The following MYO16 variants were observed in gnomAD, a reference collection of about 807,000 sequenced individuals.
The protein encoded by MYO16 is myosin XVI.
Under a neutral mutation model 205.3 loss-of-function variants are expected in MYO16, and 94 were observed. The ratio of observed to expected loss-of-function variants is 0.46; its 90% CI spans 0.39 to 0.54. MYO16 has a LOEUF of 0.54. Among genes scored for constraint, MYO16 ranks in the 20% least tolerant of loss-of-function variants. The pLI, the probability that MYO16 is intolerant of heterozygous loss-of-function variation, is 0.00. For synonymous variants in MYO16, 988 were observed against 954.0 expected (o/e 1.04, Z -0.66); for missense variants, 2,315 against 2,387.5 (o/e 0.97, Z 0.63).
chr13:109,050,680 C>G (rs963043931), intron 24 of MYO16, among the ~76,000 whole-genome samples: 2 of 152,108 alleles, frequency 1.3e-5, no homozygotes, highest in Non-Finnish European at 2.9e-5. Flanking sequence ...CAGTGGCATT[C>G]TGCTATAATA....
At chr13:108,822,100 C>T (rs953392480) in intron 8 of MYO16, among the ~76,000 whole-genome samples, 1 of 152,010 alleles carries the variant, frequency 6.6e-6, no homozygotes. Context: ...CATGCTATAA[C>T]TGAGCAAATG....
intron 1 of MYO16, among the ~76,000 whole-genome samples, chr13:108,598,439 A>C (rs1422325058): frequency 6.6e-6 from 1 of 152,244 alleles, no homozygotes; most frequent in East Asian, 1.9e-4. Context: ...TTAAGAATTA[A>C]ATTCAAATGC....
intron 16 of MYO16, among the ~76,000 whole-genome samples, chr13:108,933,685 A>G (rs1191071993): frequency 1.3e-5 from 2 of 152,012 alleles, no homozygotes; most frequent in Non-Finnish European, 2.9e-5. Context: ...TTGTGGTACG[A>G]ATGATCCCTT....
intron 9 of MYO16, among the ~76,000 whole-genome samples, chr13:108,832,953 C>T (rs1876707433): frequency 6.6e-6 from 1 of 152,028 alleles, no homozygotes; most frequent in Admixed American, 6.6e-5. Flanking sequence ...CAGTAGTGCA[C>T]AAAGAGAAAT....
At chr13:108,949,173 T>C (rs915121177) in intron 16 of MYO16, among the ~76,000 whole-genome samples, 2 of 152,220 alleles carry the variant, frequency 1.3e-5, no homozygotes, top group Non-Finnish European at 2.9e-5. Flanking sequence ...AGAACGAAGA[T>C]AACTGTATTG....
intron 3 of MYO16, among the ~76,000 whole-genome samples, chr13:108,725,509 G>A (rs1258981349): frequency 6.6e-6 from 1 of 152,074 alleles, no homozygotes; most frequent in East Asian, 1.9e-4. Context: ...ATTTAGTTTA[G>A]GACTCATATT....
At chr13:109,189,204 C>G (rs564390241) in intron 34 of MYO16, among the ~76,000 whole-genome samples, 2 of 152,196 alleles carry the variant, frequency 1.3e-5, no homozygotes, top group Non-Finnish European at 2.9e-5. Flanking sequence ...TTTATTCTAG[C>G]AGTGCTGGCA....
intron 9 of MYO16, among the ~76,000 whole-genome samples, chr13:108,829,778 G>A (rs1007677087): frequency 3.9e-5 from 6 of 152,064 alleles, no homozygotes; most frequent in African/African-American, 1.4e-4. Flanking sequence ...AATATATAAG[G>A]CAGTGTGCCC....
chr13:108,980,398 T>C (rs1158175404), intron 20 of MYO16, among the ~76,000 whole-genome samples: 1 of 152,222 alleles, frequency 6.6e-6, no homozygotes, highest in African/African-American at 2.4e-5. Context: ...CCCTGTTAAC[T>C]GTCCTGCTCA....
chr13:109,043,406 T>G (rs1461254947), intron 23 of MYO16, among the ~76,000 whole-genome samples: 1 of 151,968 alleles, frequency 6.6e-6, no homozygotes, highest in African/African-American at 2.4e-5. Flanking sequence ...TGTGTGTGCA[T>G]GTGTGTGCGT....
chr13:108,580,013 T>A, the MYO16 span, among the ~76,000 whole-genome samples: 2 of 152,348 alleles, frequency 1.3e-5, no homozygotes, highest in South Asian at 4.1e-4. Context: ...ATTGACTAAT[T>A]GACTGCATTT....
chr13:108,890,102 G>GTA (rs1555309572), intron 14 of MYO16, among the ~76,000 whole-genome samples: 1 of 65,732 alleles, frequency 1.5e-5, no homozygotes, highest in African/African-American at 5.6e-5. Context: ...GCTAATTTTT[G>GTA]TATTTTTTTT....
In MYO16 at chr13:108,847,974, G is replaced by C. The variant is rs138804983; in HGVS notation, c.1248+3481G>C. Among the ~76,000 whole-genome samples, 830 of 152,224 alleles carry C rather than the reference G, an allele frequency of 5.5e-3. 8 individuals are homozygous for C. Among genetic ancestry groups the C allele is most frequent in the African/African-American group, 0.018 (759 of 41,524 alleles). ...TCAAGTCTTCATTCCGTTTGGTGAA[G>C]TTATGACAGCCTGGAGTAGAGAGAG... On this transcript the variant is annotated intron_variant, in intron 10 of 34. Coordinates refer to ENST00000457511, the MANE Select transcript of MYO16 (RefSeq NM_001198950.3).
At chr13:108,829,089 A>G (rs1268217945) in intron 9 of MYO16, among the ~76,000 whole-genome samples, 1 of 152,202 alleles carries the variant, frequency 6.6e-6, no homozygotes, top group Non-Finnish European at 1.5e-5. Flanking sequence ...GGGACCCCCA[A>G]ACTTTTGGCT....
intron 6 of MYO16, among the ~76,000 whole-genome samples, chr13:108,795,361 A>G (rs1886754907): frequency 6.6e-6 from 1 of 151,928 alleles, no homozygotes; most frequent in Non-Finnish European, 1.5e-5. Flanking sequence ...GGCGCATGTC[A>G]CCACGCCCAG....
intron 27 of MYO16, among the ~76,000 whole-genome samples, chr13:109,088,569 G>A (rs1888515508): frequency 6.6e-6 from 1 of 151,866 alleles, no homozygotes; most frequent in South Asian, 2.1e-4. Flanking sequence ...TTATTATTCA[G>A]CTCCCATATT....
intron 27 of MYO16, among the ~76,000 whole-genome samples, chr13:109,098,123 C>T (rs1180349529): frequency 1.4e-5 from 1 of 72,438 alleles, no homozygotes; most frequent in East Asian, 3.2e-4. Flanking sequence ...TCAGTGGAAG[C>T]TCGCCTCCTG....
In MYO16 at chr13:108,967,153, ATATGTGTG is replaced by A. The variant is rs1254470948; in HGVS notation, c.2369+2253_2369+2260del. Among the ~76,000 whole-genome samples the A allele has an allele frequency of 2.7e-3, 404 of 150,964 alleles. 1 individual carries two copies. The highest frequency in any genetic ancestry group is 9.4e-3 in the African/African-American group (386 of 40,918). On this transcript the variant is annotated intron_variant, in intron 20 of 34. Transcript: ENST00000457511. ...ATACAGACATGTATACTGACTATAT[ATATGTGTG>A]TGTGTGTGTGTGTGTGTGTGTATGT...
chr13:109,145,552 T>C (rs1877290913), intron 32 of MYO16, among the ~76,000 whole-genome samples: 3 of 152,234 alleles, frequency 2.0e-5, no homozygotes, highest in Admixed American at 2.0e-4. Flanking sequence ...TTAAAATTAA[T>C]ATTGACTAAA....
Sources: allele counts gnomAD v4.1 joint callset (sites outside exome capture counted in the v4.1 genomes callset), GRCh38; gene constraint gnomAD v4.1.1; transcripts MANE v1.5; gene names NCBI Gene and HGNC (gene_info 2026-07-23, HGNC 2026-07-21).